MRC1: variants seen among roughly 807,000 people sequenced by gnomAD.
MRC1 encodes the protein mannose receptor C-type 1, also known as macrophage mannose receptor 1.
Under a neutral mutation model 102.9 loss-of-function variants are expected in MRC1, and 62 were observed. That is an observed-to-expected ratio of 0.60 (90% confidence interval 0.49 to 0.74). The LOEUF (loss-of-function observed/expected upper bound fraction) is 0.74. MRC1 is among the 30% of genes least tolerant of loss of function. MRC1 has a pLI of 0.00. For synonymous variants in MRC1, 457 were observed against 298.4 expected, an observed-to-expected ratio of 1.53 and a Z score of -5.48; for missense variants, 1,237 against 862.8, an observed-to-expected ratio of 1.43 and a Z score of -5.43.
intron 1 of MRC1, among the ~76,000 whole-genome samples, chr10:17,819,429 G>T (rs978540281): frequency 6.6e-5 from 10 of 150,706 alleles, no homozygotes; most frequent in African/African-American, 2.5e-4. Flanking sequence ...ATGAATTAGG[G>T]TATATGTATG....
chr10:17,909,413 C>T, intron 29 of MRC1, 66 bp downstream of exon 29: 1 of 807,260 alleles, frequency 1.2e-6, no homozygotes, highest in Non-Finnish European at 2.2e-6. Flanking sequence ...TTTTAAAAGG[C>T]ATAATCATAA....
intron 6 of MRC1, among the ~76,000 whole-genome samples, chr10:17,848,916 C>A (rs1838869943): frequency 6.6e-6 from 1 of 152,144 alleles, no homozygotes; most frequent in Non-Finnish European, 1.5e-5. Flanking sequence ...GCCATTCCAG[C>A]TCTCTACTTC....
intron 4 of MRC1, among the ~76,000 whole-genome samples, chr10:17,835,814 C>T (rs1239013401): frequency 6.6e-6 from 1 of 152,178 alleles, no homozygotes; most frequent in Non-Finnish European, 1.5e-5. Flanking sequence ...AGTGATGATG[C>T]CTGGGCTGAG....
intron 8 of MRC1, chr10:17,854,939 C>A (rs1833060260): frequency 6.6e-6 from 1 of 152,444 alleles, no homozygotes; most frequent in African/African-American, 2.4e-5. Flanking sequence ...GATCCACCCG[C>A]CTTGGCCTCC....
intron 9 of MRC1, among the ~76,000 whole-genome samples, chr10:17,857,429 T>C (rs1833109331): frequency 6.6e-6 from 1 of 152,248 alleles, no homozygotes; most frequent in Non-Finnish European, 1.5e-5. Flanking sequence ...TTTTTATTGC[T>C]TTTAATCAAT....
chr10:17,813,482 A>T (rs923256864), intron 1 of MRC1, among the ~76,000 whole-genome samples: 9 of 151,936 alleles, frequency 5.9e-5, no homozygotes, highest in Admixed American at 1.3e-4. Flanking sequence ...GTAAATATTG[A>T]TTCTTCAGTG....
chr10:17,901,178 C>G (rs1833824001), intron 25 of MRC1, among the ~76,000 whole-genome samples: 1 of 152,072 alleles, frequency 6.6e-6, no homozygotes, highest in Non-Finnish European at 1.5e-5. Context: ...TTGATGTTGA[C>G]AACACATCTA....
At chr10:17,817,965 C>T (rs1157781239) in intron 1 of MRC1, among the ~76,000 whole-genome samples, 6 of 152,134 alleles carry the variant, frequency 3.9e-5, no homozygotes, top group Non-Finnish European at 5.9e-5. Flanking sequence ...AAGAATAATG[C>T]ACGATGAATG....
rs1838809520 is a variant in MRC1 at position 17,845,301 on chromosome 10, C to T, written c.929C>T (p.Ala310Val). The change falls in exon 6 of 30, where the codon GCT becomes GTT. Residue 310 changes from alanine to valine, a missense_variant. Transcript: ENST00000569591. ...YLNWLPGSPSAEPGKSCVSLN... is the reference protein window; with the variant it reads ...YLNWLPGSPSVEPGKSCVSLN... Reference sequence around the variant, plus strand: ...CTTTTCCTCGAAGGAAGTCCATCAGCTGAACCTGGAAAAAGCTGTGTGTCA... The same window carrying T: ...CTTTTCCTCGAAGGAAGTCCATCAGTTGAACCTGGAAAAAGCTGTGTGTCA... 2 of 780,656 alleles carry T rather than the reference C, an allele frequency of 2.6e-6. No homozygotes were observed. Among genetic ancestry groups the T allele is most frequent in the African/African-American group, 3.4e-5 (2 of 59,106 alleles). 48.4% of individuals were successfully genotyped at this position (780,656 alleles called of 1,614,324 possible). A position where few individuals can be genotyped will look rare whatever the true frequency, so the allele number is the denominator to read the frequency against.
chr10:17,852,897 C>T (rs1030309717), intron 7 of MRC1, 70 bp from the exon 8 acceptor site: 29 of 779,972 alleles, frequency 3.7e-5, no homozygotes, highest in Middle Eastern at 2.5e-4. Context: ...GAGTGCCTTC[C>T]GTTCCTTTTA....
rs1180428767 is a variant in MRC1 at position 17,849,594 on chromosome 10, C to T, written c.1079C>T (p.Thr360Ile). The T allele has an allele frequency of 1.3e-6, 1 of 780,622 alleles. No homozygotes were observed. Among genetic ancestry groups the T allele is most frequent in the Non-Finnish European group, 2.4e-6 (1 of 418,020 alleles). 48.4% of individuals were successfully genotyped at this position (780,622 alleles called of 1,614,324 possible). The change falls in exon 7 of 30, where the codon ACT becomes ATT. Residue 360 changes from threonine to isoleucine, a missense_variant. Thr to Ile is a moderately conservative substitution (Grantham distance 89). Coordinates refer to ENST00000569591, the MANE Select transcript of MRC1 (RefSeq NM_002438.4). ...TTGTTTCTAGAAAGTGATGTGCCTA[C>T]TCACTGTCCTAGTCAGTGGTGGCCG... ...FVIPSESDVP[T>I]HCPSQWWPYA...
chr10:17,833,881 A>G (rs781915120), intron 4 of MRC1, 42 bp downstream of exon 4: 1 of 777,118 alleles, frequency 1.3e-6, no homozygotes, highest in South Asian at 1.4e-5. Context: ...TGACTGCTTT[A>G]TTTTTATATA....
At chr10:17,830,274 G>A (rs1838549189) in intron 3 of MRC1, among the ~76,000 whole-genome samples, 2 of 151,136 alleles carry the variant, frequency 1.3e-5, no homozygotes, top group African/African-American at 4.9e-5. Context: ...TGGGATTACA[G>A]GCACCCACCA....
At chr10:17,833,094 G>T (rs1310913530) in intron 3 of MRC1, among the ~76,000 whole-genome samples, 1 of 128,056 alleles carries the variant, frequency 7.8e-6, no homozygotes, top group African/African-American at 2.9e-5. Context: ...AATTGATCCC[G>T]AAAGGGAAAT....
intron 26 of MRC1, among the ~76,000 whole-genome samples, chr10:17,902,338 C>A (rs1030750605): frequency 2.0e-5 from 3 of 152,128 alleles, no homozygotes; most frequent in African/African-American, 7.2e-5. Flanking sequence ...TAGAAAACAG[C>A]GTATTCTAAA....
At chr10:17,880,963 G>A (rs1057363043) in intron 20 of MRC1, 104 bp from the exon 21 acceptor site, 14 of 754,480 alleles carry the variant, frequency 1.9e-5, no homozygotes, top group Non-Finnish European at 3.2e-5. Context: ...TTCTGATTTA[G>A]CTATAATCTT....
At chr10:17,905,524 G>C (rs1833883631) in intron 26 of MRC1, among the ~76,000 whole-genome samples, 1 of 150,790 alleles carries the variant, frequency 6.6e-6, no homozygotes, top group African/African-American at 2.4e-5. Flanking sequence ...TATTTTTTTT[G>C]AAAAAAATTG....
chr10:17,909,420 A>T (rs1833939397), intron 29 of MRC1, 73 bp downstream of exon 29: 1 of 801,374 alleles, frequency 1.2e-6, no homozygotes, highest in African/African-American at 1.7e-5. Flanking sequence ...AGGCATAATC[A>T]TAATCCCTTC....
chr10:17,862,618 A>C (rs1368619262), intron 10 of MRC1, among the ~76,000 whole-genome samples: 3 of 152,170 alleles, frequency 2.0e-5, no homozygotes, highest in Admixed American at 2.0e-4. Context: ...TATGGTTTAG[A>C]GACATTTAAG....
Sources: gnomAD v4.1 joint callset for allele counts (sites outside exome capture counted in the v4.1 genomes callset) on GRCh38, gnomAD v4.1.1 for gene constraint, MANE v1.5 for transcripts, NCBI Gene and HGNC (gene_info 2026-07-23, HGNC 2026-07-21) for gene names.